Variants in OR4F15 observed in about 807,000 individuals in gnomAD.
OR4F15 encodes the protein olfactory receptor family 4 subfamily F member 15, also known as olfactory receptor 4F15.
OR4F15 carries 7 observed loss-of-function variants against 11.9 expected under a neutral mutation model. The ratio of observed to expected loss-of-function variants is 0.59; its 90% CI spans 0.33 to 1.10. OR4F15 has a LOEUF of 1.10. OR4F15 is among the 50% of genes least tolerant of loss of function. The pLI is 0.03. For missense variants in OR4F15, 445 were observed against 377.5 expected (o/e 1.18, Z -1.48); for synonymous variants, 151 against 134.6 (o/e 1.12, Z -0.84).
chr15:101,816,479 G>A (rs905762949), intron 1 of OR4F15, among the ~76,000 whole-genome samples: 2 of 150,626 alleles, frequency 1.3e-5, no homozygotes, highest in African/African-American at 4.9e-5. Context: ...AGAACAGTAA[G>A]AATATAACGT....
At chr15:101,817,573 C>T (rs192607666) in intron 1 of OR4F15, among the ~76,000 whole-genome samples, 1 of 152,114 alleles carries the variant, frequency 6.6e-6, no homozygotes, top group Non-Finnish European at 1.5e-5. Context: ...GATGAGAATA[C>T]AGAGTCTGGG....
At chr15:101,816,124 A>G (rs1260547484) in intron 1 of OR4F15, among the ~76,000 whole-genome samples, 1 of 152,210 alleles carries the variant, frequency 6.6e-6, no homozygotes, top group Non-Finnish European at 1.5e-5. Context: ...TTCATGTCCT[A>G]ATTCCTGGAT....
chr15:101,812,603 T>C (rs970510079), intron 1 of OR4F15, among the ~76,000 whole-genome samples: 21 of 152,330 alleles, frequency 1.4e-4, no homozygotes, highest in African/African-American at 5.1e-4. Context: ...TGTTTACTTC[T>C]ATTTCTAGAG....
chr15:101,812,722 A>G (rs1039069928), intron 1 of OR4F15, among the ~76,000 whole-genome samples: 2 of 152,214 alleles, frequency 1.3e-5, no homozygotes, highest in African/African-American at 4.8e-5. Flanking sequence ...GGAATAATTG[A>G]AAACATTTGG....
intron 1 of OR4F15, among the ~76,000 whole-genome samples, chr15:101,816,794 A>G (rs1235381817): frequency 6.6e-6 from 1 of 152,120 alleles, no homozygotes; most frequent in African/African-American, 2.4e-5. Flanking sequence ...AAGAATCATA[A>G]TATTGTCACA....
chr15:101,816,635 A>G (rs151022495), intron 1 of OR4F15, among the ~76,000 whole-genome samples: 32 of 152,218 alleles, frequency 2.1e-4, no homozygotes, highest in Admixed American at 7.2e-4. Flanking sequence ...TTTTCCCACC[A>G]ATTACCTTTG....
chr15:101,818,990 T>A lies in OR4F15; in HGVS notation c.804T>A (p.Asp268Glu). 3.1e-6 allele frequency: 5 copies of A among 1,614,166 alleles called. No homozygotes were observed. The highest frequency in any genetic ancestry group is 4.2e-6 in the Non-Finnish European group (5 of 1,179,990). The part of the protein sequence containing the change: ...YTWPSPTSHL[D>E]KYLAIFDAFI... Reference sequence around the variant, plus strand: ...GGCCTTCTCCCACATCACACCTGGATAAATATCTTGCTATTTTTGATGCAT... The same window carrying A: ...GGCCTTCTCCCACATCACACCTGGAAAAATATCTTGCTATTTTTGATGCAT... Residue 268 changes from aspartate to glutamate, a missense_variant, in exon 2 of 2, where the codon GAT (aspartate) becomes GAA (glutamate). By Grantham distance (45) the Asp-to-Glu change is conservative. Transcript: ENST00000332238.
rs1903048820 is a variant in OR4F15 at position 101,818,758 on chromosome 15, A to G, written c.572A>G (p.Asn191Ser). Residue 191 changes from asparagine to serine, a missense_variant, in exon 2 of 2, where the codon AAC becomes AGC. Coordinates refer to ENST00000332238, the MANE Select transcript of OR4F15 (RefSeq NM_001001674.2). ...CGGCTCCTCAGACTTGCCTGTACCA[A>G]CACCCAAGAACTGGAGTTCATGGTC... ...LPRLLRLACTNTQELEFMVTV... is the reference protein window; with the variant it reads ...LPRLLRLACTSTQELEFMVTV... 1.9e-5 allele frequency: 31 copies of G among 1,614,140 alleles called. No homozygotes were observed. The highest frequency in any genetic ancestry group is 2.5e-5 in the Non-Finnish European group (29 of 1,179,994).
At chr15:101,812,601 T>C (rs927902496) in intron 1 of OR4F15, among the ~76,000 whole-genome samples, 1 of 152,174 alleles carries the variant, frequency 6.6e-6, no homozygotes, top group African/African-American at 2.4e-5. Flanking sequence ...GTTGTTTACT[T>C]CTATTTCTAG....
Position 101,818,386 on chromosome 15 carries a change from C to T in OR4F15, c.200C>T (p.Ser67Leu), listed in dbSNP as rs770526925. ...SPMYFLLANL[S>L]IIDMAFCSIT... ...ATGTATTTCCTCCTGGCTAACCTCT[C>T]AATCATTGATATGGCATTTTGCTCA... The change falls in exon 2 of 2, where the codon TCA (serine) becomes TTA (leucine). Residue 67 changes from serine (S) to leucine (L), a missense_variant. Ser to Leu is a moderately radical substitution (Grantham distance 145, BLOSUM62 -2). Transcript: ENST00000332238. The T allele has an allele frequency of 6.2e-7, 1 of 1,614,114 alleles. No homozygotes were observed. The highest frequency in any genetic ancestry group is 1.1e-5 in the South Asian group (1 of 91,078).
At chr15:101,814,207 C>A (rs912348644) in intron 1 of OR4F15, among the ~76,000 whole-genome samples, 22 of 152,128 alleles carry the variant, frequency 1.4e-4, no homozygotes, top group African/African-American at 5.1e-4. Context: ...TCAATTTATT[C>A]TTTTACTCAG....
At chr15:101,813,750 C>T (rs570257043) in intron 1 of OR4F15, among the ~76,000 whole-genome samples, 10 of 152,242 alleles carry the variant, frequency 6.6e-5, no homozygotes, top group African/African-American at 9.6e-5. Flanking sequence ...TGCCCAATTC[C>T]GATCCCATGC....
intron 1 of OR4F15, 94 bp from the exon 2 acceptor site, chr15:101,818,056 T>G (rs1903021195): frequency 5.9e-6 from 4 of 681,932 alleles, no homozygotes; most frequent in Non-Finnish European, 1.0e-5. Flanking sequence ...GTGTAAGATG[T>G]TAATATGATA....
At chr15:101,817,060 T>G (rs1342863225) in intron 1 of OR4F15, among the ~76,000 whole-genome samples, 1 of 152,204 alleles carries the variant, frequency 6.6e-6, no homozygotes, top group Non-Finnish European at 1.5e-5. Context: ...GATTATTTGT[T>G]TCAGCTCATT....
In OR4F15 at chr15:101,819,000, G is replaced by A. The variant is rs79724132; in HGVS notation, c.814G>A (p.Ala272Thr). 46,965 of 1,613,788 alleles carry A rather than the reference G, an allele frequency of 0.029. 1,153 individuals carry two copies. Among genetic ancestry groups the A allele is most frequent in the African/African-American group, 0.12 (8,776 of 74,914 alleles). ...SPTSHLDKYL[A>T]IFDAFITPFL... ...CACATCACACCTGGATAAATATCTT[G>A]CTATTTTTGATGCATTTATTACTCC... The change falls in exon 2 of 2, where the codon GCT (alanine) becomes ACT (threonine). Residue 272 changes from alanine to threonine, a missense_variant. Coordinates refer to ENST00000332238, the MANE Select transcript of OR4F15 (RefSeq NM_001001674.2).
chr15:101,817,456 C>A (rs750734581), intron 1 of OR4F15, among the ~76,000 whole-genome samples: 7 of 152,074 alleles, frequency 4.6e-5, no homozygotes, highest in South Asian at 2.1e-4. Context: ...TGGGAGCTAC[C>A]GTTGTGGATC....
intron 1 of OR4F15, among the ~76,000 whole-genome samples, chr15:101,815,327 A>C (rs774564788): frequency 1.3e-5 from 2 of 152,196 alleles, no homozygotes; most frequent in Admixed American, 6.5e-5. Flanking sequence ...GAATAAGCCA[A>C]CAAATCTCCC....
rs200343854 is a variant in OR4F15 at position 101,818,509 on chromosome 15, G to T, written c.323G>T (p.Gly108Val). 84 of 1,613,910 alleles carry T rather than the reference G, an allele frequency of 5.2e-5. No individual in the cohort carries two copies. Among genetic ancestry groups the T allele is most frequent in the Non-Finnish European group, 6.7e-5 (79 of 1,179,986 alleles). The change falls in exon 2 of 2, where the codon GGG becomes GTG. Residue 108 changes from glycine (G) to valine (V), a missense_variant. Gly to Val is a moderately radical substitution (Grantham distance 109, BLOSUM62 -3). Coordinates refer to ENST00000332238, the MANE Select transcript of OR4F15 (RefSeq NM_001001674.2). Reference sequence around the variant, plus strand: ...CAGATCTTCTTTAGCCATGCTCTTGGGGGCACTGAGATGGTGCTGCTCATA... The same window carrying T: ...CAGATCTTCTTTAGCCATGCTCTTGTGGGCACTGAGATGGTGCTGCTCATA... ...ITQIFFSHAL[G>V]GTEMVLLIAM...
In OR4F15 at chr15:101,812,540, A is replaced by G. The variant is rs190408499; in HGVS notation, c.-38+268A>G. 9.2e-5 allele frequency among the ~76,000 whole-genome samples: 14 copies of G among 152,308 alleles called. No homozygotes were observed. In the East Asian group the frequency reaches 2.3e-3, roughly 25 times the overall value. The stretch of plus-strand genomic sequence containing the variant: ...TATCCAGAGACTTTTGGGGAAATCT[A>G]TTAGCCCTGAAAATGAAGACAAACA... On this transcript the variant is annotated intron_variant, in intron 1 of 1. Transcript: ENST00000332238.
Sources: gnomAD v4.1 joint callset for allele counts (sites outside exome capture counted in the v4.1 genomes callset) on GRCh38, gnomAD v4.1.1 for gene constraint, MANE v1.5 for transcripts, NCBI Gene and HGNC (gene_info 2026-07-23, HGNC 2026-07-21) for gene names.